Variants in PHF2 observed in about 807,000 individuals in gnomAD.
PHF2 encodes the protein lysine-specific demethylase PHF2.
In PHF2, 27 loss-of-function variants were observed where a neutral mutation model predicts 120.5. That is an observed-to-expected ratio of 0.22 (90% CI 0.17 to 0.31). The LOEUF is 0.31. PHF2 is among the 10% of genes least tolerant of loss of function. PHF2 has a pLI of 1.00. For missense variants in PHF2, 1,024 were observed against 1,434.8 expected, an observed-to-expected ratio of 0.71 and a Z score of 4.63; for synonymous variants, 568 against 592.5, an observed-to-expected ratio of 0.96 and a Z score of 0.60.
At chr9:93,594,971 A>G (rs188000446) in intron 1 of PHF2, 2 of 153,644 alleles carry the variant, frequency 1.3e-5, no homozygotes, top group East Asian at 3.9e-4. Flanking sequence ...TTAAAGGAAT[A>G]CTTATAGTTA....
intron 17 of PHF2, chr9:93,672,711 TAG>T: frequency 1.0e-6 from 1 of 982,754 alleles, no homozygotes; most frequent in African/African-American, 1.8e-5. Flanking sequence ...GGTATGGGTA[TAG>T]GAGTAGGTAC....
At chr9:93,602,247 C>CTGTTT (rs1825454385) in intron 1 of PHF2, among the ~76,000 whole-genome samples, 1 of 79,670 alleles carries the variant, frequency 1.3e-5, no homozygotes, top group East Asian at 4.0e-4. Context: ...CCTAGAGATT[C>CTGTTT]TTTTTTTTTT....
rs549927285 is a variant in PHF2, at chr9:93,584,292, A to G, written c.98+7421A>G. Reference sequence around the variant, plus strand: ...TTTTGTTGCTTGTGCTTTTGGTGCCATTTCTAAGATTTCATTGCCTGTACA... The same window carrying G: ...TTTTGTTGCTTGTGCTTTTGGTGCCGTTTCTAAGATTTCATTGCCTGTACA... On this transcript the variant is annotated intron_variant, in intron 1 of 21. Transcript: ENST00000359246. Among the ~76,000 whole-genome samples, 4 of 152,244 alleles carry G rather than the reference A, an allele frequency of 2.6e-5. No homozygotes were observed. In the South Asian group the frequency reaches 8.3e-4, roughly 32 times the overall value.
At chr9:93,662,706 G>C (rs993840637) in intron 12 of PHF2, among the ~76,000 whole-genome samples, 1 of 150,218 alleles carries the variant, frequency 6.7e-6, no homozygotes, top group South Asian at 2.1e-4. Flanking sequence ...ATGGATGAAC[G>C]AATGAATGAA....
Position 93,667,235 on chromosome 9 carries a change from C to T in PHF2, c.2343C>T (p.Pro781=), listed in dbSNP as rs765311010. ...AGGTTGGCGCGCTGGAGTACAACCC[C>T]AGCAGGTGGGCCCCACCACCCGGCA... ...SEEVGALEYN[P]SSQPPASPST... is the part of the protein sequence containing the mutation. The change falls in exon 17 of 22, where the codon CCC becomes CCT. Residue 781 remains proline, a synonymous_variant. Coordinates refer to ENST00000359246, the MANE Select transcript of PHF2 (RefSeq NM_005392.4). 7 of 1,609,342 alleles carry T rather than the reference C, an allele frequency of 4.3e-6. No individual in the cohort carries two copies. In the South Asian group the frequency reaches 7.7e-5, roughly 18 times the overall value.
At chr9:93,611,016 T>C (rs1313213368) in intron 1 of PHF2, among the ~76,000 whole-genome samples, 2 of 152,366 alleles carry the variant, frequency 1.3e-5, no homozygotes, top group East Asian at 3.9e-4. Flanking sequence ...GATACTGTGA[T>C]AGCCTCAAGT....
chr9:93,608,263 C>T (rs1331261232), intron 1 of PHF2, among the ~76,000 whole-genome samples: 4 of 151,988 alleles, frequency 2.6e-5, no homozygotes, highest in African/African-American at 9.7e-5. Context: ...TTTGAGTCTG[C>T]AGTGGGCTGT....
At chr9:93,647,034 G>C (rs527926965) in intron 4 of PHF2, among the ~76,000 whole-genome samples, 43 of 152,324 alleles carry the variant, frequency 2.8e-4, no homozygotes, top group African/African-American at 1.0e-3. Flanking sequence ...CGGCTTTACC[G>C]CAGGTTTGCC....
chr9:93,650,678 C>T (rs972167526), intron 5 of PHF2, among the ~76,000 whole-genome samples: 4 of 152,184 alleles, frequency 2.6e-5, no homozygotes. Context: ...ACCTTGTTCT[C>T]CCCCCAGGCT....
intron 1 of PHF2, among the ~76,000 whole-genome samples, chr9:93,602,622 T>G (rs917550175): frequency 7.2e-5 from 11 of 152,110 alleles, no homozygotes; most frequent in Non-Finnish European, 1.5e-4. Context: ...GTTCCCTGTT[T>G]TGAATTTTTT....
Position 93,665,780 on chromosome 9 carries a change from G to A in PHF2, c.2032G>A (p.Glu678Lys). 1 of 1,614,098 alleles carries A rather than the reference G, an allele frequency of 6.2e-7. No homozygotes were observed. The highest frequency in any genetic ancestry group is 8.5e-7 in the Non-Finnish European group (1 of 1,180,036). The change falls in exon 15 of 22, where the codon GAG (glutamate) becomes AAG (lysine). Residue 678 changes from glutamate (E) to lysine (K), a missense_variant. Coordinates refer to ENST00000359246, the MANE Select transcript of PHF2 (RefSeq NM_005392.4). ...DKPKPVRDEY[E>K]YVSDDGELKI... The stretch of plus-strand genomic sequence containing the variant: ...GCCCAAGCCCGTGCGGGATGAGTAT[G>A]AGTACGTGTCGGATGACGGTGAGCT...
At chr9:93,580,195 G>A (rs1862907427) in intron 1 of PHF2, among the ~76,000 whole-genome samples, 1 of 152,154 alleles carries the variant, frequency 6.6e-6, no homozygotes, top group Non-Finnish European at 1.5e-5. Context: ...GGGGATCCTC[G>A]CCAGCCCAGC....
intron 1 of PHF2, among the ~76,000 whole-genome samples, chr9:93,607,556 T>C (rs1254884589): frequency 6.6e-6 from 1 of 151,456 alleles, no homozygotes; most frequent in Non-Finnish European, 1.5e-5. Flanking sequence ...ATGTTGGGAT[T>C]ACAGGTGTGA....
At chr9:93,674,864 C>G (rs751331935) in intron 18 of PHF2, 63 bp from the exon 19 acceptor site, 6 of 1,210,126 alleles carry the variant, frequency 5.0e-6, no homozygotes, top group South Asian at 1.2e-5. Context: ...TGTACCCCCC[C>G]GCCCTCCTCC....
At position 93,656,065 on chromosome 9, in the gene PHF2, CG is replaced by C; in HGVS notation, c.1040+45del. Reference sequence around the variant, plus strand: ...TCTGCCCTCGGGCTCCGCAGAGCAGCGTCCTCCCTCTAGCTGGGTCGGTGCT... The same window carrying C: ...TCTGCCCTCGGGCTCCGCAGAGCAGCTCCTCCCTCTAGCTGGGTCGGTGCT... On this transcript the variant is annotated intron_variant, in intron 8 of 21. Coordinates refer to ENST00000359246, the MANE Select transcript of PHF2 (RefSeq NM_005392.4). This position sits in a 1 kb window ranked among gnomAD's most constrained non-coding sequence, Gnocchi z 4.1. 6.6e-7 allele frequency: 1 copy of C among 1,520,442 alleles called. No individual in the cohort carries two copies. 94.2% of individuals were successfully genotyped at this position (1,520,442 alleles called of 1,614,324 possible). A position where few individuals can be genotyped will look rare whatever the true frequency, so the allele number is the denominator to read the frequency against.
intron 1 of PHF2, among the ~76,000 whole-genome samples, chr9:93,606,378 C>A (rs571362954): frequency 2.0e-5 from 3 of 152,176 alleles, no homozygotes; most frequent in Non-Finnish European, 4.4e-5. Flanking sequence ...TCCTTGTCAG[C>A]ATTTGGTGTT....
At chr9:93,604,526 G>A (rs1825504085) in intron 1 of PHF2, among the ~76,000 whole-genome samples, 2 of 150,666 alleles carry the variant, frequency 1.3e-5, no homozygotes, top group East Asian at 1.9e-4. Flanking sequence ...GTGCAGTGGC[G>A]CGATCTCGGC....
Position 93,677,705 on chromosome 9 carries a change from C to T in PHF2, c.*29C>T, listed in dbSNP as rs373100644. ...TTGGAAAGCCAGGATCCTTCTGCTC[C>T]GCTCAGGACCCCCGGAGCCCCGCGA... On this transcript the variant is annotated 3_prime_UTR_variant, in exon 22 of 22. Coordinates refer to ENST00000359246, the MANE Select transcript of PHF2 (RefSeq NM_005392.4). The surrounding 1 kb of genome is among the most constrained non-coding windows in gnomAD (Gnocchi z 4.4). 28 of 1,556,414 alleles carry T rather than the reference C, an allele frequency of 1.8e-5. No homozygotes were observed. Among genetic ancestry groups the T allele is most frequent in the Non-Finnish European group, 2.4e-5 (27 of 1,129,186 alleles).
chr9:93,672,141 C>T (rs1288670796), intron 17 of PHF2, among the ~76,000 whole-genome samples: 1 of 99,564 alleles, frequency 1.0e-5, no homozygotes, highest in Non-Finnish European at 2.0e-5. Flanking sequence ...GATGTAGGTA[C>T]AGGTGTAGAT....
Sources: gnomAD v4.1 joint callset for allele counts (sites outside exome capture counted in the v4.1 genomes callset) on GRCh38, gnomAD v4.1.1 for gene constraint, Gnocchi (gnomAD v3.1) non-coding constraint, MANE v1.5 for transcripts, NCBI Gene and HGNC (gene_info 2026-07-23, HGNC 2026-07-21) for gene names.